The following MALRD1 variants were observed in gnomAD, a reference collection of about 807,000 sequenced individuals.
MALRD1 encodes MAM and LDL-receptor class A domain-containing protein 1.
In MALRD1, 247 loss-of-function variants were observed where a neutral mutation model predicts 242.1. The observed-to-expected ratio is 1.02, with a 90% CI of 0.92 to 1.13. The LOEUF (loss-of-function observed/expected upper bound fraction) is 1.13. Among genes scored for constraint, MALRD1 ranks in the 50% most tolerant of loss-of-function variants. The pLI is 0.00. For missense variants in MALRD1, 2,989 were observed against 2,533.1 expected (o/e 1.18, Z -3.86); for synonymous variants, 995 against 866.6 (o/e 1.15, Z -2.60).
intron 33 of MALRD1, among the ~76,000 whole-genome samples, chr10:19,575,699 C>T (rs1361761938): frequency 6.6e-6 from 1 of 152,160 alleles, no homozygotes; most frequent in Non-Finnish European, 1.5e-5. Flanking sequence ...TAAATATCCA[C>T]TTTGAAACCA....
At chr10:19,479,986 T>A (rs1167068949) in intron 29 of MALRD1, among the ~76,000 whole-genome samples, 1 of 152,130 alleles carries the variant, frequency 6.6e-6, no homozygotes, top group Non-Finnish European at 1.5e-5. Flanking sequence ...CAAAAGGAGC[T>A]GATAAAGTGC....
rs560953712 is a variant in MALRD1, at chr10:19,286,860, A to G, written c.3419+3679A>G. On this transcript the variant is annotated intron_variant, in intron 21 of 39. Coordinates refer to ENST00000454679, the MANE Select transcript of MALRD1 (RefSeq NM_001142308.3). ...TCTGATACCAAAGCCGGGCAGAGAC[A>G]CAACCAAAAAAGAGAATTTTAGACC... is the stretch of plus-strand genomic sequence containing the variant. Among the ~76,000 whole-genome samples the G allele has an allele frequency of 9.9e-5, 15 of 150,958 alleles. 1 individual carries two copies. In the East Asian group the frequency reaches 2.9e-3, roughly 29 times the overall value.
chr10:19,657,583 G>T (rs1424873857), intron 36 of MALRD1, among the ~76,000 whole-genome samples: 4 of 151,632 alleles, frequency 2.6e-5, no homozygotes, highest in Admixed American at 6.6e-5. Context: ...TAAATATTAG[G>T]CATATATATA....
chr10:19,198,475 G>A (rs577977872), intron 14 of MALRD1, among the ~76,000 whole-genome samples: 113 of 152,290 alleles, frequency 7.4e-4, no homozygotes, highest in African/African-American at 2.3e-3. Flanking sequence ...TCTTTAGAAG[G>A]AGACATTATC....
intron 35 of MALRD1, 120 bp downstream of exon 35, chr10:19,608,022 A>C: frequency 7.5e-7 from 1 of 1,333,206 alleles, no homozygotes; most frequent in Non-Finnish European, 1.0e-6. Context: ...TTGAATTTCT[A>C]TTCTTGGTTT....
At chr10:19,059,817 C>T (rs1162804662) in intron 1 of MALRD1, among the ~76,000 whole-genome samples, 1 of 152,064 alleles carries the variant, frequency 6.6e-6, no homozygotes, top group Non-Finnish European at 1.5e-5. Context: ...GGCATATATG[C>T]GATGTAAGCG....
chr10:19,237,570 A>G (rs1588748762), intron 18 of MALRD1, among the ~76,000 whole-genome samples: 3 of 118,644 alleles, frequency 2.5e-5, no homozygotes, highest in African/African-American at 9.6e-5. Context: ...ACATAAAATT[A>G]TATATAATTA....
At chr10:19,604,012 A>G (rs188334136) in intron 34 of MALRD1, among the ~76,000 whole-genome samples, 1 of 152,180 alleles carries the variant, frequency 6.6e-6, no homozygotes, top group Non-Finnish European at 1.5e-5. Context: ...GCTTCTACGT[A>G]TTCAAGTGAA....
chr10:19,100,062 T>A (rs1258880939), intron 4 of MALRD1, among the ~76,000 whole-genome samples: 1 of 152,086 alleles, frequency 6.6e-6, no homozygotes, highest in African/African-American at 2.4e-5. Flanking sequence ...TAATAATAAA[T>A]TTTTTTCTTT....
At chr10:19,311,316 A>T (rs1477238107) in intron 21 of MALRD1, among the ~76,000 whole-genome samples, 1 of 151,436 alleles carries the variant, frequency 6.6e-6, no homozygotes, top group Non-Finnish European at 1.5e-5. Flanking sequence ...AGACACAGAA[A>T]AATGTCTTGA....
chr10:19,445,331 C>T (rs183965970), intron 28 of MALRD1, among the ~76,000 whole-genome samples: 2 of 152,326 alleles, frequency 1.3e-5, no homozygotes, highest in Admixed American at 1.3e-4. Context: ...AGTTATTCTC[C>T]ATCCACCTTT....
At chr10:19,658,378 G>A (rs1298540187) in intron 36 of MALRD1, among the ~76,000 whole-genome samples, 1 of 151,948 alleles carries the variant, frequency 6.6e-6, no homozygotes, top group Non-Finnish European at 1.5e-5. Flanking sequence ...GCATATAGAA[G>A]TTATTTGAAG....
At chr10:19,143,012 G>T (rs1833604804) in intron 10 of MALRD1, among the ~76,000 whole-genome samples, 1 of 152,170 alleles carries the variant, frequency 6.6e-6, no homozygotes, top group South Asian at 2.1e-4. Flanking sequence ...ATTCACCAAG[G>T]TTCTTACAGA....
chr10:19,480,239 G>A (rs913234952), intron 29 of MALRD1, among the ~76,000 whole-genome samples: 10 of 152,310 alleles, frequency 6.6e-5, no homozygotes, highest in Middle Eastern at 3.4e-3. Context: ...CCTGTTTAGT[G>A]TGTCTGATAT....
intron 22 of MALRD1, 62 bp from the exon 23 acceptor site, chr10:19,327,501 A>T: frequency 7.7e-7 from 1 of 1,296,118 alleles, no homozygotes. Context: ...GAAGAATTCT[A>T]CATGTTTGCA....
intron 29 of MALRD1, among the ~76,000 whole-genome samples, chr10:19,464,872 C>T (rs1836140559): frequency 6.6e-6 from 1 of 151,948 alleles, no homozygotes; most frequent in Non-Finnish European, 1.5e-5. Flanking sequence ...GTTTGTGTTG[C>T]CTGTAATTGC....
At chr10:19,390,423 G>T (rs1846290891) in intron 28 of MALRD1, among the ~76,000 whole-genome samples, 1 of 152,180 alleles carries the variant, frequency 6.6e-6, no homozygotes, top group African/African-American at 2.4e-5. Context: ...TCTTAGTAAG[G>T]ATTAATTGGA....
rs1365292582 is a variant in MALRD1, at chr10:19,060,851, A to G, written c.200-5868A>G. 2.6e-5 allele frequency among the ~76,000 whole-genome samples: 4 copies of G among 152,232 alleles called. 1 individual carries two copies. Among genetic ancestry groups the G allele is most frequent in the African/African-American group, 9.6e-5 (4 of 41,460 alleles). ...GCAGCCTTATATCATGTGCAGCAGC[A>G]CTATTCACAACAGCGAAGACATGGA... On this transcript the variant is annotated intron_variant, in intron 1 of 39. Coordinates refer to ENST00000454679, the MANE Select transcript of MALRD1 (RefSeq NM_001142308.3).
intron 36 of MALRD1, among the ~76,000 whole-genome samples, chr10:19,628,914 C>T: frequency 6.6e-6 from 1 of 152,228 alleles, no homozygotes; most frequent in Admixed American, 6.5e-5. Context: ...TGTCAGAAAG[C>T]ATTACACACT....
Sources: gnomAD v4.1 joint callset for allele counts (sites outside exome capture counted in the v4.1 genomes callset) on GRCh38, gnomAD v4.1.1 for gene constraint, MANE v1.5 for transcripts, NCBI Gene and HGNC (gene_info 2026-07-23, HGNC 2026-07-21) for gene names.